Variants in VAC14 observed in about 807,000 individuals in gnomAD.
VAC14 encodes protein VAC14 homolog.
A neutral mutation model predicts 85.3 loss-of-function variants in VAC14; 47 were observed. The observed-to-expected ratio is 0.55, with a 90% CI of 0.44 to 0.70. VAC14 has a LOEUF of 0.70. VAC14 is among the 30% of genes least tolerant of loss of function. The pLI is 0.00. For synonymous variants in VAC14, 447 were observed against 430.5 expected (o/e 1.04, Z -0.47); for missense variants, 861 against 1,004.3 (o/e 0.86, Z 1.93).
chr16:70,721,761 G>A (rs992790563), intron 14 of VAC14, among the ~76,000 whole-genome samples: 2 of 152,080 alleles, frequency 1.3e-5, no homozygotes, highest in Non-Finnish European at 1.5e-5. Flanking sequence ...TGCGGATTGC[G>A]GGCTGGCGGA....
intron 12 of VAC14, among the ~76,000 whole-genome samples, chr16:70,745,520 C>CGCGCGT (rs1555520582): frequency 1.1e-5 from 1 of 93,158 alleles, no homozygotes; most frequent in African/African-American, 4.1e-5. Context: ...TGTGTGTGTG[C>CGCGCGT]GCGTGTGCGC....
At chr16:70,795,495 A>T (rs1359732677) in intron 1 of VAC14, among the ~76,000 whole-genome samples, 6 of 81,144 alleles carry the variant, frequency 7.4e-5, no homozygotes, top group Admixed American at 4.9e-4. Context: ...GACTCTGTCT[A>T]AAAAAAAAAA....
chr16:70,716,196 C>T (rs901383524), intron 14 of VAC14: 3 of 152,178 alleles, frequency 2.0e-5, no homozygotes, highest in African/African-American at 7.2e-5. Context: ...GACCAGGTCA[C>T]CTGTTTCTTT....
At chr16:70,778,911 C>G (rs916656087) in intron 9 of VAC14, 4 of 152,158 alleles carry the variant, frequency 2.6e-5, no homozygotes, top group Admixed American at 2.6e-4. Flanking sequence ...TATGTATCCC[C>G]GAGTCTTCTA....
chr16:70,771,101 T>G (rs993933801), intron 10 of VAC14: 1 of 152,154 alleles, frequency 6.6e-6, no homozygotes, highest in African/African-American at 2.4e-5. Context: ...GCCCCAGAGA[T>G]GCCAAGGTCA....
At chr16:70,790,134 A>C (rs1041657121) in intron 1 of VAC14, among the ~76,000 whole-genome samples, 3 of 152,220 alleles carry the variant, frequency 2.0e-5, no homozygotes, top group Admixed American at 6.5e-5. Flanking sequence ...GTGCAAACAG[A>C]AAAAACACTT....
At chr16:70,738,909 GA>G (rs2143007886) in intron 13 of VAC14, among the ~76,000 whole-genome samples, 1 of 152,290 alleles carries the variant, frequency 6.6e-6, no homozygotes, top group East Asian at 1.9e-4. Flanking sequence ...GGGGGTCTAA[GA>G]GGTCACAGCC....
chr16:70,787,615 A>C (rs1444013632), intron 1 of VAC14, among the ~76,000 whole-genome samples: 1 of 152,196 alleles, frequency 6.6e-6, no homozygotes, highest in African/African-American at 2.4e-5. Context: ...TGGTGGCAGG[A>C]GTGCCCCAGA....
chr16:70,744,854 C>A (rs371897186), intron 12 of VAC14, among the ~76,000 whole-genome samples: 12 of 152,318 alleles, frequency 7.9e-5, no homozygotes, highest in Non-Finnish European at 1.6e-4. Flanking sequence ...TCCCCACGAT[C>A]CCTCTCTCGG....
intron 9 of VAC14, chr16:70,772,661 G>C (rs2033302559): frequency 6.5e-6 from 1 of 153,254 alleles, no homozygotes; most frequent in Non-Finnish European, 1.5e-5. Flanking sequence ...TTGGAGAACA[G>C]TCTGGCCATT....
intron 12 of VAC14, chr16:70,761,221 C>G (rs1455914731): frequency 8.8e-6 from 4 of 455,344 alleles, no homozygotes; most frequent in Non-Finnish European, 1.8e-5. Context: ...CTGGCACCAG[C>G]CCAGGGAAGA....
intron 14 of VAC14, among the ~76,000 whole-genome samples, chr16:70,720,868 CTT>C (rs1226003215): frequency 1.3e-5 from 2 of 152,204 alleles, no homozygotes; most frequent in Non-Finnish European, 2.9e-5. Context: ...AGACACAAAA[CTT>C]AGCACTTAAG....
At chr16:70,744,379 G>A (rs988435319) in intron 13 of VAC14, 44 bp downstream of exon 13, 4 of 1,612,406 alleles carry the variant, frequency 2.5e-6, no homozygotes, top group Middle Eastern at 1.7e-4. Flanking sequence ...ACCCGGCACT[G>A]GCACTAAGGC....
At chr16:70,695,699 C>CG (rs2053692862) in intron 16 of VAC14, 76 bp from the exon 17 acceptor site, 2 of 1,432,664 alleles carry the variant, frequency 1.4e-6, no homozygotes, top group South Asian at 2.4e-5. Flanking sequence ...GCCCTCCCCC[C>CG]CTGCACCTGG....
chr16:70,772,421 T>G (rs28676580), intron 9 of VAC14: 91,088 of 468,156 alleles, frequency 0.19, 10,464 homozygotes, highest in African/African-American at 0.39. Context: ...AACACATCTG[T>G]CAAATCTCAG....
At chr16:70,779,153 A>C (rs2033684520) in intron 9 of VAC14, 1 of 152,240 alleles carries the variant, frequency 6.6e-6, no homozygotes, top group Admixed American at 6.5e-5. Context: ...TGTTGCTCTG[A>C]TTCACAGTGG....
intron 14 of VAC14, among the ~76,000 whole-genome samples, chr16:70,711,284 T>A (rs1373936821): frequency 6.6e-6 from 1 of 152,162 alleles, no homozygotes; most frequent in Admixed American, 6.5e-5. Flanking sequence ...CCTGATCGCT[T>A]CAGGCATGGC....
chr16:70,687,851 T>G lies in VAC14; in HGVS notation c.*77A>C. ...GCCCTGGTCCTGACAGGCAGGTCCT[T>G]GAGCTCCTCGGGAGGGCGTGACGAC... On this transcript the variant is annotated 3_prime_UTR_variant, in exon 19 of 19. Coordinates refer to ENST00000261776, the MANE Select transcript of VAC14 (RefSeq NM_018052.5). 3.8e-4 allele frequency: 501 copies of G among 1,334,242 alleles called. No homozygotes were observed. The highest frequency in any genetic ancestry group is 4.4e-4 in the Non-Finnish European group (454 of 1,030,888). The allele number at this position is 1,334,242 out of a possible 1,614,324, so 82.7% of individuals were successfully genotyped here. A position where few individuals can be genotyped will look rare whatever the true frequency, so the allele number is the denominator to read the frequency against.
chr16:70,696,477 C>T (rs1485312227), intron 16 of VAC14, among the ~76,000 whole-genome samples: 1 of 152,244 alleles, frequency 6.6e-6, no homozygotes, highest in African/African-American at 2.4e-5. Context: ...CGCCCCACTG[C>T]ACTCCAGCTT....
Sources: gnomAD v4.1 joint callset for allele counts (sites outside exome capture counted in the v4.1 genomes callset) on GRCh38, gnomAD v4.1.1 for gene constraint, MANE v1.5 for transcripts, NCBI Gene and HGNC (gene_info 2026-07-23, HGNC 2026-07-21) for gene names.